PUS7: variants seen among roughly 807,000 people sequenced by gnomAD.
The protein encoded by PUS7 is pseudouridylate synthase 7 homolog.
A neutral mutation model predicts 79.8 loss-of-function variants in PUS7; 48 were observed. That is an observed-to-expected ratio of 0.60 (90% CI 0.48 to 0.76). PUS7 has a LOEUF of 0.76. Among genes scored for constraint, PUS7 ranks in the 30% least tolerant of loss-of-function variants. The pLI is 0.00. For missense variants in PUS7, 729 were observed against 797.6 expected (o/e 0.91, Z 1.04); for synonymous variants, 286 against 272.2 (o/e 1.05, Z -0.50).
chr7:105,502,606 C>A, intron 4 of PUS7, 42 bp from the exon 5 acceptor site: 1 of 1,599,062 alleles, frequency 6.3e-7, no homozygotes, highest in African/African-American at 1.3e-5. Flanking sequence ...AGTTAACAAA[C>A]ATTAAATAGG....
At chr7:105,474,200 G>A (rs947984396) in intron 9 of PUS7, among the ~76,000 whole-genome samples, 1 of 152,006 alleles carries the variant, frequency 6.6e-6, no homozygotes, top group African/African-American at 2.4e-5. Flanking sequence ...GGGCATTTCT[G>A]GATATTAAAT....
At chr7:105,502,398 G>A in intron 5 of PUS7, 22 bp downstream of exon 5, 2 of 1,613,334 alleles carry the variant, frequency 1.2e-6, no homozygotes, top group African/African-American at 2.7e-5. Flanking sequence ...CTGGCAGGAG[G>A]AAGCTGCTCA....
chr7:105,486,172 C>A (rs1824541455), intron 7 of PUS7, among the ~76,000 whole-genome samples: 1 of 151,986 alleles, frequency 6.6e-6, no homozygotes, highest in Non-Finnish European at 1.5e-5. Flanking sequence ...CTGCCCCCAG[C>A]CTCTCAAGTA....
chr7:105,508,917 A>T (rs572503746), intron 1 of PUS7, among the ~76,000 whole-genome samples: 1 of 144,092 alleles, frequency 6.9e-6, no homozygotes, highest in South Asian at 2.3e-4. Flanking sequence ...ACGGTGGCTC[A>T]CACCTGTAAT....
intron 9 of PUS7, among the ~76,000 whole-genome samples, chr7:105,472,822 C>T (rs1226193569): frequency 2.0e-5 from 3 of 151,718 alleles, no homozygotes; most frequent in African/African-American, 4.8e-5. Context: ...GATGCGATCT[C>T]GGCTCACTGC....
intron 7 of PUS7, among the ~76,000 whole-genome samples, chr7:105,484,194 A>C (rs532257121): frequency 5.8e-4 from 88 of 152,254 alleles, no homozygotes; most frequent in African/African-American, 2.1e-3. Context: ...AATTGTGTAA[A>C]AATCCTGTTC....
At chr7:105,465,039 G>C (rs746314906) in intron 13 of PUS7, among the ~76,000 whole-genome samples, 1 of 151,980 alleles carries the variant, frequency 6.6e-6, no homozygotes, top group East Asian at 1.9e-4. Context: ...GGCTGGTCTC[G>C]AATTCCAGAG....
At chr7:105,494,894 T>C (rs189245800) in intron 6 of PUS7, among the ~76,000 whole-genome samples, 1 of 149,998 alleles carries the variant, frequency 6.7e-6, no homozygotes, top group Non-Finnish European at 1.5e-5. Context: ...GAGGAATGCC[T>C]GAGCCCAGGA....
chr7:105,489,147 C>CAAAAAAA (rs762504334), intron 7 of PUS7, among the ~76,000 whole-genome samples: 12 of 33,630 alleles, frequency 3.6e-4, no homozygotes, highest in African/African-American at 4.6e-4. Flanking sequence ...AACTCCATCT[C>CAAAAAAA]AAAAAAAAAA....
At position 105,491,542 on chromosome 7, in the gene PUS7, G is replaced by C; in HGVS notation, c.918C>G (p.Leu306=). 6.3e-7 allele frequency: 1 copy of C among 1,575,474 alleles called. No homozygotes were observed. Among genetic ancestry groups the C allele is most frequent in the Non-Finnish European group, 8.7e-7 (1 of 1,147,064 alleles). Residue 306 remains leucine, a splice_region_variant and synonymous_variant, in exon 7 of 16, where the codon CTC becomes CTG. Coordinates refer to ENST00000469408, the MANE Select transcript of PUS7 (RefSeq NM_019042.5). ...RAITVQEIAV[L]KITAQRLAHL... is the part of the protein sequence containing the mutation. Reference sequence around the variant, plus strand: ...CCTGTTACGTGCTCTCTACTTACTTGAGAACAGCAATTTCTTGAACTGTTA... The same window carrying C: ...CCTGTTACGTGCTCTCTACTTACTTCAGAACAGCAATTTCTTGAACTGTTA...
chr7:105,503,735 C>G (rs1007131220), intron 4 of PUS7, among the ~76,000 whole-genome samples: 13 of 151,446 alleles, frequency 8.6e-5, no homozygotes, highest in African/African-American at 2.7e-4. Context: ...CAGGCTCAAG[C>G]CATCCTCCTA....
At chr7:105,463,273 G>A (rs1324143436) in intron 13 of PUS7, among the ~76,000 whole-genome samples, 1 of 152,170 alleles carries the variant, frequency 6.6e-6, no homozygotes, top group Non-Finnish European at 1.5e-5. Flanking sequence ...ACTTCTTTGT[G>A]AGGCATGCAA....
chr7:105,469,301 A>AT (rs1002305759), intron 11 of PUS7, among the ~76,000 whole-genome samples: 2 of 128,628 alleles, frequency 1.6e-5, no homozygotes, highest in African/African-American at 5.8e-5. Context: ...TTTCTTTTTT[A>AT]TTTTTTTGAG....
chr7:105,500,534 T>C (rs771309028), intron 5 of PUS7, among the ~76,000 whole-genome samples: 4 of 152,144 alleles, frequency 2.6e-5, no homozygotes, highest in Non-Finnish European at 2.9e-5. Context: ...CCAACCTGCT[T>C]CCTCATGACC....
At chr7:105,493,122 G>A (rs1824865317) in intron 6 of PUS7, among the ~76,000 whole-genome samples, 1 of 152,158 alleles carries the variant, frequency 6.6e-6, no homozygotes, top group South Asian at 2.1e-4. Context: ...GAGATATAAT[G>A]TACCACTATG....
Position 105,483,221 on chromosome 7 carries a change from G to C in PUS7, c.921-781C>G, listed in dbSNP as rs186739798. 2.0e-5 allele frequency among the ~76,000 whole-genome samples: 3 copies of C among 151,572 alleles called. No homozygotes were observed. In the East Asian group the frequency reaches 5.8e-4, roughly 29 times the overall value. ...GTCTCTCTCTGTTGCCCAGACTGGA[G>C]TGCAGTGGCATGATCTCAGCTCACT... On this transcript the variant is annotated intron_variant, in intron 7 of 15. Transcript: ENST00000469408.
intron 5 of PUS7, among the ~76,000 whole-genome samples, chr7:105,501,553 G>A (rs1172616591): frequency 4.6e-5 from 7 of 152,112 alleles, no homozygotes; most frequent in Non-Finnish European, 8.8e-5. Context: ...AGATAAAAGG[G>A]TGTCTTTCTA....
At chr7:105,467,901 T>C (rs1823722967) in intron 12 of PUS7, among the ~76,000 whole-genome samples, 1 of 151,968 alleles carries the variant, frequency 6.6e-6, no homozygotes, top group Non-Finnish European at 1.5e-5. Context: ...CCAATGTAAG[T>C]TTGCATGGTC....
intron 12 of PUS7, among the ~76,000 whole-genome samples, chr7:105,466,195 T>A (rs1470987157): frequency 6.6e-6 from 1 of 151,818 alleles, no homozygotes; most frequent in African/African-American, 2.4e-5. Flanking sequence ...TGGATATATA[T>A]CCTTCTGTCT....
Sources: gnomAD v4.1 joint callset for allele counts (sites outside exome capture counted in the v4.1 genomes callset) on GRCh38, gnomAD v4.1.1 for gene constraint, MANE v1.5 for transcripts, NCBI Gene and HGNC (gene_info 2026-07-23, HGNC 2026-07-21) for gene names.